Variants in AXIN2 observed in about 807,000 individuals in gnomAD.
AXIN2 encodes axin-2.
Under a neutral mutation model 74.7 loss-of-function variants are expected in AXIN2, and 21 were observed. The ratio of observed to expected loss-of-function variants is 0.28; its 90% CI spans 0.20 to 0.40. The LOEUF (loss-of-function observed/expected upper bound fraction) is 0.40, where lower values mean the gene tolerates loss of function less well. Ranked by LOEUF, AXIN2 falls within the 10% of genes least tolerant of loss-of-function variation. The pLI is 1.00. For missense variants in AXIN2, 1,144 were observed against 1,111.1 expected (o/e 1.03, Z -0.42); for synonymous variants, 532 against 454.9 (o/e 1.17, Z -2.16).
intron 4 of AXIN2, among the ~76,000 whole-genome samples, chr17:65,540,002 T>C (rs2075809417): frequency 6.6e-6 from 1 of 152,212 alleles, no homozygotes; most frequent in Admixed American, 6.5e-5. Flanking sequence ...AGGAAGAAGC[T>C]GCTCAGGAGA....
At chr17:65,532,452 C>G (rs952395884) in intron 10 of AXIN2, among the ~76,000 whole-genome samples, 1 of 152,180 alleles carries the variant, frequency 6.6e-6, no homozygotes, top group Non-Finnish European at 1.5e-5. Context: ...GGCCTGTTCC[C>G]CCACCCCTTT....
intron 2 of AXIN2, among the ~76,000 whole-genome samples, chr17:65,552,855 C>G (rs2044213279): frequency 6.6e-6 from 1 of 151,972 alleles, no homozygotes; most frequent in Non-Finnish European, 1.5e-5. Context: ...ATGGAGAAAC[C>G]CCGTCTCTAC....
At chr17:65,557,240 T>G (rs2044279975) in intron 2 of AXIN2, among the ~76,000 whole-genome samples, 1 of 152,192 alleles carries the variant, frequency 6.6e-6, no homozygotes, top group Admixed American at 6.5e-5. Context: ...GTTAGAGGCC[T>G]TTCTTGCTGG....
chr17:65,537,431 G>A lies in AXIN2; in HGVS notation c.1605C>T (p.Ala535=), dbSNP rs888040292. The A allele has an allele frequency of 1.2e-6, 2 of 1,613,948 alleles. No homozygotes were observed. The highest frequency in any genetic ancestry group is 1.7e-6 in the Non-Finnish European group (2 of 1,180,034). Residue 535 remains alanine, a synonymous_variant, in exon 6 of 11, where the codon GCC becomes GCT. Transcript: ENST00000307078. Reference sequence around the variant, plus strand: ...GGCAGAAGCAGTGCACCCGCTGCGTGGCCTCCGCCTCGATCTCCTCCTTGG... The same window carrying A: ...GGCAGAAGCAGTGCACCCGCTGCGTAGCCTCCGCCTCGATCTCCTCCTTGG... ...PKTKEEIEAE[A]TQRVHCFCPG... is the part of the protein sequence containing the mutation.
chr17:65,542,741 G>A (rs1307998622), intron 3 of AXIN2, among the ~76,000 whole-genome samples: 2 of 152,140 alleles, frequency 1.3e-5, no homozygotes, highest in African/African-American at 4.8e-5. Flanking sequence ...TCCCATTGAT[G>A]TCCCTTCAGG....
At chr17:65,547,625 C>CT (rs2044135524) in intron 3 of AXIN2, among the ~76,000 whole-genome samples, 1 of 152,206 alleles carries the variant, frequency 6.6e-6, no homozygotes. Flanking sequence ...AAAATAGTCT[C>CT]TAAGAAAACT....
intron 3 of AXIN2, among the ~76,000 whole-genome samples, chr17:65,545,570 C>T (rs2044106882): frequency 6.6e-6 from 1 of 152,094 alleles, no homozygotes. Context: ...CGCCTGTAGT[C>T]CCAGCTACCC....
chr17:65,536,620 G>A (rs2043925065), intron 7 of AXIN2, 67 bp from the exon 8 acceptor site: 1 of 1,555,234 alleles, frequency 6.4e-7, no homozygotes, highest in African/African-American at 1.4e-5. Flanking sequence ...TGGAAAATGT[G>A]ACTTCAATAG....
Position 65,541,150 on chromosome 17 carries a change from T to C in AXIN2, c.1059+305A>G, listed in dbSNP as rs185544181. ...ACCTCCGACTCCCAAAGTGCTGAGA[T>C]TACAGGCATGAGCCACTGTGCCCAG... On this transcript the variant is annotated intron_variant, in intron 4 of 10. Transcript: ENST00000307078. 3.7e-3 allele frequency among the ~76,000 whole-genome samples: 557 copies of C among 152,308 alleles called. 4 individuals carry two copies. Among genetic ancestry groups the C allele is most frequent in the African/African-American group, 0.012 (510 of 41,554 alleles).
chr17:65,534,036 C>T lies in AXIN2; in HGVS notation c.2281G>A (p.Ala761Thr), dbSNP rs1024751792. 2.5e-6 allele frequency: 4 copies of T among 1,614,136 alleles called. No individual in the cohort carries two copies. In the African/African-American group the frequency reaches 5.3e-5, roughly 22 times the overall value. Residue 761 changes from alanine (A) to threonine (T), a missense_variant, in exon 10 of 11, where the codon GCC (alanine) becomes ACC (threonine). Ala to Thr is a moderately conservative substitution (Grantham distance 58). This residue lies in a region of AXIN2 where 1,053 missense variants were observed against 973.5 expected (regional missense o/e 1.08). Transcript: ENST00000307078. ...KKLAGVHALQASELVVTYFFC... is the reference protein window; with the variant it reads ...KKLAGVHALQTSELVVTYFFC... ...AAGTAAGTGACAACCAACTCACTGG[C>T]CTGGAGCGCGTGGACACCTGCCAGT...
At chr17:65,553,656 TAACTC>T (rs1201388777) in intron 2 of AXIN2, among the ~76,000 whole-genome samples, 2 of 152,158 alleles carry the variant, frequency 1.3e-5, no homozygotes, top group Non-Finnish European at 2.9e-5. Context: ...ATACTGCTCT[TAACTC>T]AGTTGACTGC....
In AXIN2 at chr17:65,529,131, G is replaced by GGCA. The variant is rs932903198; in HGVS notation, c.*842_*844dup. 9 of 234,812 alleles carry GGCA rather than the reference G, an allele frequency of 3.8e-5. No homozygotes were observed. The highest frequency in any genetic ancestry group is 5.9e-5 in the Non-Finnish European group (7 of 119,384). 14.5% of individuals were successfully genotyped at this position (234,812 alleles called of 1,614,324 possible). On this transcript the variant is annotated 3_prime_UTR_variant, in exon 11 of 11. Transcript: ENST00000307078. ...ACTGTCATTTCCACGAAAGCACAGC[G>GGCA]GCAGTGATTCTAGCAGGCCTCAGGG...
chr17:65,542,320 G>C (rs1322160195), intron 3 of AXIN2, among the ~76,000 whole-genome samples: 1 of 152,204 alleles, frequency 6.6e-6, no homozygotes, highest in Non-Finnish European at 1.5e-5. Context: ...CACTAGGCAA[G>C]AGAGCAGTAG....
Position 65,537,380 on chromosome 17 carries a change from G to A in AXIN2, c.1656C>T (p.Tyr552=), listed in dbSNP as rs1878615100. ...CCTTGGAGTGGCTTTTGCATTTCGAGTAGCAGTAATACTCGCTGCCCCCAG... is the reference window on the plus strand; with the variant it reads ...CCTTGGAGTGGCTTTTGCATTTCGAATAGCAGTAATACTCGCTGCCCCCAG... ...FCPGGSEYYC[Y]SKCKSHSKAP... is the part of the protein sequence containing the mutation. Residue 552 remains tyrosine (Y), a synonymous_variant, in exon 6 of 11, where the codon TAC becomes TAT. Transcript: ENST00000307078. 12 of 1,614,116 alleles carry A rather than the reference G, an allele frequency of 7.4e-6. No individual in the cohort carries two copies. Among genetic ancestry groups the A allele is most frequent in the Non-Finnish European group, 1.0e-5 (12 of 1,180,046 alleles).
chr17:65,546,971 C>T (rs1478764847), intron 3 of AXIN2, among the ~76,000 whole-genome samples: 1 of 152,144 alleles, frequency 6.6e-6, no homozygotes, highest in Non-Finnish European at 1.5e-5. Context: ...CCAAGTGGAC[C>T]TCACTGAACT....
At chr17:65,533,325 T>C (rs903241071) in intron 10 of AXIN2, among the ~76,000 whole-genome samples, 7 of 152,316 alleles carry the variant, frequency 4.6e-5, no homozygotes, top group Non-Finnish European at 5.9e-5. Context: ...TTCTTTGTTA[T>C]GGACAAAGGC....
chr17:65,528,832 C>A lies in AXIN2; in HGVS notation c.*1144G>T. On this transcript the variant is annotated 3_prime_UTR_variant, in exon 11 of 11. Transcript: ENST00000307078. ...GCGGGTGACCGTGCAGGTACAGGTACTGTACTGATTTAAAGTCAAGCACTA... is the reference window on the plus strand; with the variant it reads ...GCGGGTGACCGTGCAGGTACAGGTAATGTACTGATTTAAAGTCAAGCACTA... 2.3e-6 allele frequency: 1 copy of A among 439,486 alleles called. No homozygotes were observed. Among genetic ancestry groups the A allele is most frequent in the Non-Finnish European group, 4.2e-6 (1 of 238,860 alleles). 27.2% of individuals were successfully genotyped at this position (439,486 alleles called of 1,614,324 possible).
rs2043776120 is a variant in AXIN2, at chr17:65,529,191, TCA to T, written c.*783_*784del. ...TGGGGAGGCTACATGAGGGGGAGCC[TCA>T]GTCACAGGATCAACCTGGGGCCCGA... On this transcript the variant is annotated 3_prime_UTR_variant, in exon 11 of 11. Coordinates refer to ENST00000307078, the MANE Select transcript of AXIN2 (RefSeq NM_004655.4). 1 of 234,240 alleles carries T rather than the reference TCA, an allele frequency of 4.3e-6. No individual in the cohort carries two copies. Among genetic ancestry groups the T allele is most frequent in the Non-Finnish European group, 8.4e-6 (1 of 118,882 alleles). The allele number at this position is 234,240 out of a possible 1,614,324, so 14.5% of individuals were successfully genotyped here.
At chr17:65,549,753 A>C in intron 2 of AXIN2, 93 bp from the exon 3 acceptor site, 1 of 1,492,344 alleles carries the variant, frequency 6.7e-7, no homozygotes, top group Non-Finnish European at 9.1e-7. Flanking sequence ...ACACTATCCC[A>C]CAATCTGCTC....
Sources: gnomAD v4.1 joint callset for allele counts (sites outside exome capture counted in the v4.1 genomes callset) on GRCh38, gnomAD v4.1.1 for gene constraint, gnomAD v4.1.1 regional missense constraint, MANE v1.5 for transcripts, NCBI Gene and HGNC (gene_info 2026-07-23, HGNC 2026-07-21) for gene names.